Variants in ZNF652 observed in about 807,000 individuals in gnomAD.
ZNF652 encodes zinc finger protein 652.
In ZNF652, 16 loss-of-function variants were observed where a neutral mutation model predicts 45.2. The ratio of observed to expected loss-of-function variants is 0.35; its 90% CI spans 0.24 to 0.54. The LOEUF (loss-of-function observed/expected upper bound fraction) is 0.54. ZNF652 is among the 20% of genes least tolerant of loss of function. The pLI is 0.91. For missense variants in ZNF652, 614 were observed against 765.6 expected (o/e 0.80, Z 2.34); for synonymous variants, 250 against 260.6 (o/e 0.96, Z 0.39).
chr17:49,314,439 TG>T (rs1468562834), intron 2 of ZNF652, among the ~76,000 whole-genome samples: 12 of 152,064 alleles, frequency 7.9e-5, no homozygotes, highest in Non-Finnish European at 1.6e-4. Flanking sequence ...GGATTACAGG[TG>T]TGAGCTACTG....
At chr17:49,328,153 T>C (rs969003381) in intron 1 of ZNF652, among the ~76,000 whole-genome samples, 1 of 152,042 alleles carries the variant, frequency 6.6e-6, no homozygotes, top group African/African-American at 2.4e-5. Flanking sequence ...CTATTATAAG[T>C]ATTTGCTAAA....
In ZNF652 at chr17:49,298,903, T is replaced by G; in HGVS notation, c.1331A>C (p.Glu444Ala). ...GCTGGTGAAGCTTTTGCCACAGATT[T>G]CACAGATAAAGGGTTTCTCTCCTGA... ...THTGEKPFICEICGKSFTSRP... is the reference protein window; with the variant it reads ...THTGEKPFICAICGKSFTSRP... Residue 444 changes from glutamate (E) to alanine (A), a missense_variant, in exon 6 of 6, where the codon GAA becomes GCA. This residue lies in a region of ZNF652 where 81 missense variants were observed against 167.0 expected (regional missense o/e 0.48). Coordinates refer to ENST00000430262, the MANE Select transcript of ZNF652 (RefSeq NM_001145365.3). 1 of 1,612,254 alleles carries G rather than the reference T, an allele frequency of 6.2e-7. No homozygotes were observed. The highest frequency in any genetic ancestry group is 8.5e-7 in the Non-Finnish European group (1 of 1,179,348).
intron 1 of ZNF652, among the ~76,000 whole-genome samples, chr17:49,345,584 G>A (rs1372091490): frequency 6.7e-6 from 1 of 149,572 alleles, no homozygotes; most frequent in Non-Finnish European, 1.5e-5. Context: ...GCTCACGCCT[G>A]TAATCCCAGC....
intron 1 of ZNF652, among the ~76,000 whole-genome samples, chr17:49,341,936 A>G (rs2070151484): frequency 6.6e-6 from 1 of 152,194 alleles, no homozygotes; most frequent in Admixed American, 6.5e-5. Flanking sequence ...CTGTAATCCC[A>G]GCACTTTGGG....
In ZNF652 at chr17:49,296,372, G is replaced by A. The variant is rs1237159403; in HGVS notation, c.*2041C>T. On this transcript the variant is annotated 3_prime_UTR_variant, in exon 6 of 6. Coordinates refer to ENST00000430262, the MANE Select transcript of ZNF652 (RefSeq NM_001145365.3). ...AACACTAAACCAAAAAGCCAATAGA[G>A]AACGTGATGTTTGAAAAATATGGAC... The A allele has an allele frequency of 1.3e-5, 2 of 152,538 alleles. No individual in the cohort carries two copies. Among genetic ancestry groups the A allele is most frequent in the Non-Finnish European group, 2.9e-5 (2 of 68,020 alleles). 9.4% of individuals were successfully genotyped at this position (152,538 alleles called of 1,614,324 possible).
Position 49,295,349 on chromosome 17 carries a change from T to C in ZNF652, c.*3064A>G, listed in dbSNP as rs2069458130. On this transcript the variant is annotated 3_prime_UTR_variant, in exon 6 of 6. Transcript: ENST00000430262. ...CTTAATCTAGGGGAAAAAAAGGAAGTTTCTAAATTGTTCCACAATACACTT... is the reference window on the plus strand; with the variant it reads ...CTTAATCTAGGGGAAAAAAAGGAAGCTTCTAAATTGTTCCACAATACACTT... 6.6e-6 allele frequency: 1 copy of C among 151,740 alleles called. No homozygotes were observed. The highest frequency in any genetic ancestry group is 6.6e-5 in the Admixed American group (1 of 15,192). 9.4% of individuals were successfully genotyped at this position (151,740 alleles called of 1,614,324 possible).
rs185246912 is a variant in ZNF652 at position 49,309,253 on chromosome 17, A to G, written c.1309+2059T>C. On this transcript the variant is annotated intron_variant, in intron 5 of 5. Transcript: ENST00000430262. ...ACGCCTGTAATCCCAGCACTTTGGG[A>G]GGCTGAGGCAGGTGGATCATTTGAG... Among the ~76,000 whole-genome samples, 437 of 138,048 alleles carry G rather than the reference A, an allele frequency of 3.2e-3. 2 individuals carry two copies. Among genetic ancestry groups the G allele is most frequent in the Non-Finnish European group, 4.8e-3 (311 of 65,276 alleles). 90.6% of individuals were successfully genotyped at this position (138,048 alleles called of 152,430 possible). A position where few individuals can be genotyped will look rare whatever the true frequency, so the allele number is the denominator to read the frequency against.
intron 1 of ZNF652, among the ~76,000 whole-genome samples, chr17:49,327,738 T>A (rs1005376964): frequency 0.073 from 312 of 4,274 alleles, 9 homozygotes; most frequent in African/African-American, 0.2. Flanking sequence ...TAAATATATA[T>A]ATATATATAT....
At chr17:49,318,828 T>C (rs1349626573) in intron 1 of ZNF652, among the ~76,000 whole-genome samples, 5 of 152,218 alleles carry the variant, frequency 3.3e-5, no homozygotes, top group South Asian at 4.1e-4. Flanking sequence ...AAACAGCTAA[T>C]TGACATAACT....
intron 1 of ZNF652, among the ~76,000 whole-genome samples, chr17:49,335,053 T>C (rs2070065950): frequency 6.6e-6 from 1 of 152,164 alleles, no homozygotes; most frequent in African/African-American, 2.4e-5. Flanking sequence ...AGGTGATGGT[T>C]GCACAATCTT....
At chr17:49,357,959 A>C (rs183663956) in intron 1 of ZNF652, among the ~76,000 whole-genome samples, 1 of 152,362 alleles carries the variant, frequency 6.6e-6, no homozygotes, top group Non-Finnish European at 1.5e-5. Flanking sequence ...AAATGAAAAA[A>C]TGCAGATCGC....
chr17:49,353,784 T>C (rs1386652492), intron 1 of ZNF652, among the ~76,000 whole-genome samples: 2 of 152,286 alleles, frequency 1.3e-5, no homozygotes, highest in Non-Finnish European at 1.5e-5. Flanking sequence ...CTGTGGATCA[T>C]AGTCAAAAAG....
intron 1 of ZNF652, among the ~76,000 whole-genome samples, chr17:49,345,624 G>A (rs539122934): frequency 4.6e-5 from 7 of 151,200 alleles, no homozygotes; most frequent in Non-Finnish European, 7.4e-5. Context: ...GGCCGATCAC[G>A]AGGTCAGGAG....
intron 1 of ZNF652, among the ~76,000 whole-genome samples, chr17:49,360,524 C>T (rs1328463051): frequency 6.6e-6 from 1 of 152,164 alleles, no homozygotes; most frequent in Non-Finnish European, 1.5e-5. Context: ...TATCTGAATA[C>T]TGTGCACGGT....
chr17:49,361,150 AGGG>A (rs1177647399), intron 1 of ZNF652: 1 of 152,160 alleles, frequency 6.6e-6, no homozygotes, highest in Non-Finnish European at 1.5e-5. Context: ...GTTGTGGGGG[AGGG>A]ATGCTCTAGT....
At chr17:49,325,100 T>C (rs1180210708) in intron 1 of ZNF652, among the ~76,000 whole-genome samples, 1 of 152,152 alleles carries the variant, frequency 6.6e-6, no homozygotes, top group Non-Finnish European at 1.5e-5. Context: ...CACGACTTGA[T>C]AGTCTGGCAC....
At position 49,292,007 on chromosome 17, in the gene ZNF652, A is replaced by G. The variant is rs1015842189; in HGVS notation, c.*6406T>C. Among the ~76,000 whole-genome samples, 8 of 152,176 alleles carry G rather than the reference A, an allele frequency of 5.3e-5. No individual in the cohort carries two copies. Among genetic ancestry groups the G allele is most frequent in the Non-Finnish European group, 1.0e-4 (7 of 68,016 alleles). On this transcript the variant is annotated 3_prime_UTR_variant, in exon 6 of 6. Transcript: ENST00000430262. ...ATATCTTTCCTGTTGCCAGACAGGA[A>G]AGATGGAGAATGTATTAACAGCTGC... is the stretch of plus-strand genomic sequence containing the variant.
At chr17:49,320,496 A>T (rs1331655125) in intron 1 of ZNF652, among the ~76,000 whole-genome samples, 1 of 152,236 alleles carries the variant, frequency 6.6e-6, no homozygotes, top group African/African-American at 2.4e-5. Context: ...TCCAAAGCTC[A>T]TTGTCTATTT....
intron 1 of ZNF652, among the ~76,000 whole-genome samples, chr17:49,343,054 G>A (rs774703031): frequency 6.6e-6 from 1 of 151,852 alleles, no homozygotes; most frequent in Non-Finnish European, 1.5e-5. Context: ...GCTAATTTTT[G>A]TATTTTTAAT....
Sources: gnomAD v4.1 joint callset for allele counts (sites outside exome capture counted in the v4.1 genomes callset) on GRCh38, gnomAD v4.1.1 for gene constraint, gnomAD v4.1.1 regional missense constraint, MANE v1.5 for transcripts, NCBI Gene and HGNC (gene_info 2026-07-23, HGNC 2026-07-21) for gene names.